BLTP3B: variants seen among roughly 807,000 people sequenced by gnomAD.
BLTP3B encodes bridge-like lipid transfer protein family member 3B.
chr12:100,077,158 A>G, the BLTP3B span, among the ~76,000 whole-genome samples: 3 of 152,204 alleles, frequency 2.0e-5, no homozygotes, highest in Non-Finnish European at 4.4e-5. Context: ...TAAGATTATA[A>G]CACAGCTTTT....
the BLTP3B span, among the ~76,000 whole-genome samples, chr12:100,055,103 G>C: frequency 6.6e-6 from 1 of 151,960 alleles, no homozygotes; most frequent in African/African-American, 2.4e-5. Context: ...GAATCTAGTA[G>C]AGAGATTTTT....
At chr12:100,139,846 G>A in the BLTP3B span, among the ~76,000 whole-genome samples, 8 of 152,288 alleles carry the variant, frequency 5.3e-5, no homozygotes, top group East Asian at 1.4e-3. Flanking sequence ...ACAAGCATGA[G>A]TGCTATGGAG....
chr12:100,099,815 C>T, the BLTP3B span, among the ~76,000 whole-genome samples: 24 of 151,218 alleles, frequency 1.6e-4, no homozygotes, highest in East Asian at 4.7e-3. Flanking sequence ...GTGGTCCCAG[C>T]TACTTGGGAA....
At chr12:100,074,467 C>T in the BLTP3B span, among the ~76,000 whole-genome samples, 2 of 151,972 alleles carry the variant, frequency 1.3e-5, no homozygotes, top group African/African-American at 4.8e-5. Context: ...GGCGTGGTGG[C>T]ACACGCCTGT....
At chr12:100,115,602 T>G in the BLTP3B span, among the ~76,000 whole-genome samples, 1 of 151,866 alleles carries the variant, frequency 6.6e-6, no homozygotes, top group Non-Finnish European at 1.5e-5. Flanking sequence ...AGACCTTGTC[T>G]CTACAAAAAA....
the BLTP3B span, chr12:100,108,408 A>G: frequency 1.9e-6 from 3 of 1,612,640 alleles, no homozygotes; most frequent in African/African-American, 4.0e-5. Flanking sequence ...TTTATTACAA[A>G]AAACTTTGTT....
chr12:100,047,509 C>G, the BLTP3B span: 410 of 1,556,602 alleles, frequency 2.6e-4, no homozygotes, highest in Admixed American at 5.9e-4. Flanking sequence ...CATAAATAAA[C>G]AAATAGTTTT....
At chr12:100,039,330 A>C in the BLTP3B span, among the ~76,000 whole-genome samples, 1 of 152,156 alleles carries the variant, frequency 6.6e-6, no homozygotes, top group Non-Finnish European at 1.5e-5. Flanking sequence ...TAGTATGTAC[A>C]CTTGAATATT....
the BLTP3B span, among the ~76,000 whole-genome samples, chr12:100,079,349 G>A: frequency 2.5e-4 from 38 of 152,098 alleles, no homozygotes; most frequent in African/African-American, 6.8e-4. Context: ...AGTAAGGTCC[G>A]GGCTGAGGTG....
the BLTP3B span, among the ~76,000 whole-genome samples, chr12:100,127,831 T>C: frequency 2.0e-5 from 3 of 151,988 alleles, no homozygotes; most frequent in South Asian, 2.1e-4. Flanking sequence ...CTGGGCAACA[T>C]AGTGAGACTT....
At chr12:100,038,493 GC>G in the BLTP3B span, among the ~76,000 whole-genome samples, 1 of 152,068 alleles carries the variant, frequency 6.6e-6, no homozygotes, top group Admixed American at 6.5e-5. Context: ...GCGCCACCAT[GC>G]CCAGCTAATT....
chr12:100,053,936 T>C, the BLTP3B span, among the ~76,000 whole-genome samples: 2 of 152,066 alleles, frequency 1.3e-5, no homozygotes, highest in African/African-American at 4.8e-5. Flanking sequence ...CCAATGAAAA[T>C]TAATGACCCT....
chr12:100,102,217 C>T, the BLTP3B span, among the ~76,000 whole-genome samples: 2 of 151,486 alleles, frequency 1.3e-5, no homozygotes, highest in Non-Finnish European at 2.9e-5. Flanking sequence ...TCAAGCAATT[C>T]TCCTGCCTCA....
the BLTP3B span, among the ~76,000 whole-genome samples, chr12:100,071,492 G>C: frequency 2.6e-5 from 2 of 76,760 alleles, no homozygotes; most frequent in Non-Finnish European, 4.7e-5. Context: ...GCAAGACTAT[G>C]TCTCCAAAAA....
the BLTP3B span, chr12:100,102,700 CTTTTTTTT>C: frequency 1.4e-6 from 1 of 704,516 alleles, no homozygotes; most frequent in African/African-American, 2.4e-5. Flanking sequence ...GAGGTTAAGG[CTTTTTTTT>C]TTTTTTTTTT....
the BLTP3B span, among the ~76,000 whole-genome samples, chr12:100,123,020 T>C: frequency 6.6e-6 from 1 of 152,190 alleles, no homozygotes; most frequent in Non-Finnish European, 1.5e-5. Context: ...TCCCATCCCA[T>C]GCTCTGCTCG....
the BLTP3B span, among the ~76,000 whole-genome samples, chr12:100,046,654 A>T: frequency 6.6e-6 from 1 of 152,108 alleles, no homozygotes; most frequent in Non-Finnish European, 1.5e-5. Flanking sequence ...GCAGCAAACC[A>T]ACATGGCACA....
the BLTP3B span, among the ~76,000 whole-genome samples, chr12:100,104,295 C>G: frequency 6.6e-6 from 1 of 150,738 alleles, no homozygotes; most frequent in East Asian, 2.0e-4. Flanking sequence ...ACCTCCACCT[C>G]CTGGGTTCAA....
At chr12:100,090,285 G>A in the BLTP3B span, among the ~76,000 whole-genome samples, 2 of 152,108 alleles carry the variant, frequency 1.3e-5, no homozygotes, top group Non-Finnish European at 2.9e-5. Context: ...TTATAAATAG[G>A]TTGTGAGTTC....
Sources: allele counts gnomAD v4.1 joint callset (sites outside exome capture counted in the v4.1 genomes callset), GRCh38; gene constraint gnomAD v4.1.1; transcripts MANE v1.5; gene names NCBI Gene and HGNC (gene_info 2026-07-23, HGNC 2026-07-21).